FNIP2: variants seen among roughly 807,000 people sequenced by gnomAD.
FNIP2 encodes the protein folliculin-interacting protein 2.
In FNIP2, 32 loss-of-function variants were observed where a neutral mutation model predicts 108.7. The ratio of observed to expected loss-of-function variants is 0.29; its 90% CI spans 0.22 to 0.40. FNIP2 has a LOEUF of 0.40. Ranked by LOEUF, FNIP2 falls within the 10% of genes least tolerant of loss-of-function variation. The pLI is 1.00. For synonymous variants in FNIP2, 480 were observed against 496.7 expected, an observed-to-expected ratio of 0.97 and a Z score of 0.45; for missense variants, 1,202 against 1,381.6, an observed-to-expected ratio of 0.87 and a Z score of 2.06.
chr4:158,823,474 C>A (rs1439290442), intron 1 of FNIP2, among the ~76,000 whole-genome samples: 1 of 152,108 alleles, frequency 6.6e-6, no homozygotes, highest in Non-Finnish European at 1.5e-5. Flanking sequence ...CCGTGTTGGC[C>A]ATGGTTGGCC....
At chr4:158,829,605 C>T (rs1778349680) in intron 3 of FNIP2, among the ~76,000 whole-genome samples, 1 of 151,846 alleles carries the variant, frequency 6.6e-6, no homozygotes, top group South Asian at 2.1e-4. Flanking sequence ...ATAGAACATA[C>T]CAGTAAAAGG....
chr4:158,801,085 T>G (rs1776746178), intron 1 of FNIP2, among the ~76,000 whole-genome samples: 1 of 152,164 alleles, frequency 6.6e-6, no homozygotes, highest in Admixed American at 6.5e-5. Context: ...TGGTTTGTAT[T>G]ATATATTTAA....
intron 1 of FNIP2, among the ~76,000 whole-genome samples, chr4:158,817,504 C>T (rs1321776921): frequency 6.6e-6 from 1 of 152,054 alleles, no homozygotes; most frequent in Non-Finnish European, 1.5e-5. Flanking sequence ...ATTGGAAGCA[C>T]CAGACCTTTA....
At chr4:158,871,485 C>T in intron 14 of FNIP2, 1 of 985,264 alleles carries the variant, frequency 1.0e-6, no homozygotes, top group Non-Finnish European at 1.2e-6. Context: ...GACCAAACAT[C>T]AGGCACAGGC....
chr4:158,835,233 CTCA>C (rs1778734150), intron 6 of FNIP2, 169 bp from the exon 7 acceptor site: 2 of 361,892 alleles, frequency 5.5e-6, no homozygotes, highest in Non-Finnish European at 1.0e-5. Context: ...CTCTTTTCTT[CTCA>C]TCATCTTTTT....
At position 158,829,065 on chromosome 4, in the gene FNIP2, C is replaced by T. The variant is rs914284550; in HGVS notation, c.235-14C>T. 9 of 1,578,260 alleles carry T rather than the reference C, an allele frequency of 5.7e-6. No homozygotes were observed. Among genetic ancestry groups the T allele is most frequent in the Non-Finnish European group, 6.9e-6 (8 of 1,159,594 alleles). On this transcript the variant is annotated splice_polypyrimidine_tract_variant and intron_variant, in intron 2 of 16. Transcript: ENST00000264433. ...CTTAGTAATCTTTTACCTTGCCTGTCTCTCTTAACCTAGAAAACAGAGGAT... is the reference window on the plus strand; with the variant it reads ...CTTAGTAATCTTTTACCTTGCCTGTTTCTCTTAACCTAGAAAACAGAGGAT...
intron 1 of FNIP2, among the ~76,000 whole-genome samples, chr4:158,798,534 T>C (rs543327019): frequency 6.6e-6 from 1 of 152,232 alleles, no homozygotes; most frequent in Non-Finnish European, 1.5e-5. Context: ...TCTGAATTAT[T>C]GATTTTCTTC....
At chr4:158,847,796 C>G (rs768584358) in intron 7 of FNIP2, among the ~76,000 whole-genome samples, 3 of 152,164 alleles carry the variant, frequency 2.0e-5, no homozygotes, top group Non-Finnish European at 4.4e-5. Context: ...CCAGGCCTGG[C>G]AGCATTCACC....
chr4:158,769,356 C>A, intron 1 of FNIP2, 37 bp downstream of exon 1: 1 of 1,415,322 alleles, frequency 7.1e-7, no homozygotes, highest in Non-Finnish European at 9.4e-7. Context: ...GGCGCGGGAC[C>A]CGAGTTGGCT....
rs899697290 is a variant in FNIP2, at chr4:158,872,551, C to T, written c.2949+2082C>T. The T allele has an allele frequency of 5.1e-6, 5 of 985,166 alleles. No homozygotes were observed. In the African/African-American group the frequency reaches 8.7e-5, roughly 17 times the overall value. The allele number at this position is 985,166 out of a possible 1,614,324, so 61.0% of individuals were successfully genotyped here. A position where few individuals can be genotyped will look rare whatever the true frequency, so the allele number is the denominator to read the frequency against. ...AATTGTGGGTACATCCAAAGTGCAG[C>T]CATGCGTGGGTGTTAATAGGAAATT... On this transcript the variant is annotated intron_variant, in intron 14 of 16. Transcript: ENST00000264433.
At chr4:158,795,193 G>T (rs115014242) in intron 1 of FNIP2, among the ~76,000 whole-genome samples, 30 of 152,324 alleles carry the variant, frequency 2.0e-4, no homozygotes, top group African/African-American at 6.7e-4. Context: ...TTGAGCCGTG[G>T]TATAATGAGG....
intron 8 of FNIP2, among the ~76,000 whole-genome samples, chr4:158,858,017 T>TA (rs1780086120): frequency 6.6e-6 from 1 of 152,178 alleles, no homozygotes; most frequent in Non-Finnish European, 1.5e-5. Flanking sequence ...TGTTTAATAA[T>TA]AAAATCTAGG....
chr4:158,778,883 A>G (rs1161299206), intron 1 of FNIP2, among the ~76,000 whole-genome samples: 2 of 152,248 alleles, frequency 1.3e-5, no homozygotes, highest in East Asian at 3.8e-4. Flanking sequence ...TTCTTATGCC[A>G]TAAGCTCAAG....
At position 158,904,517 on chromosome 4, in the gene FNIP2, T is replaced by C. The variant is rs748141988; in HGVS notation, c.3318T>C (p.Ser1106=). Residue 1106 remains serine (S), a synonymous_variant, in exon 17 of 17, where the codon TCT becomes TCC. Coordinates refer to ENST00000264433, the MANE Select transcript of FNIP2 (RefSeq NM_020840.3). Reference sequence around the variant, plus strand: ...TGACTGCTATTGCCAGTACTCATTCTCCTTATGTGGCTCAAATACTCTTAT... The same window carrying C: ...TGACTGCTATTGCCAGTACTCATTCCCCTTATGTGGCTCAAATACTCTTAT... The part of the protein sequence containing the change: ...PLLTAIASTH[S]PYVAQILL 1.2e-6 allele frequency: 2 copies of C among 1,613,298 alleles called. No individual in the cohort carries two copies. The highest frequency in any genetic ancestry group is 2.2e-5 in the East Asian group (1 of 44,870).
rs1213425017 is a variant in FNIP2, at chr4:158,861,428, A to T, written c.1235A>T (p.Gln412Leu). 3.1e-6 allele frequency: 5 copies of T among 1,613,930 alleles called. No individual in the cohort carries two copies. Among genetic ancestry groups the T allele is most frequent in the Non-Finnish European group, 2.5e-6 (3 of 1,179,912 alleles). The change falls in exon 11 of 17, where the codon CAG becomes CTG. Residue 412 changes from glutamine to leucine, a missense_variant. Gln to Leu is a moderately radical substitution (Grantham distance 113). Around this residue, in one of 5 missense-constraint regions of FNIP2, gnomAD observed 878 missense variants for 990.3 expected, o/e 0.89. Transcript: ENST00000264433. ...ATGTCCGGCACTTTGGAAAAAAACCAGCTCTGCCAGCGCTTTCTCAAGGAG... is the reference window on the plus strand; with the variant it reads ...ATGTCCGGCACTTTGGAAAAAAACCTGCTCTGCCAGCGCTTTCTCAAGGAG... ...TMMSGTLEKN[Q>L]LCQRFLKEFT...
chr4:158,850,106 G>A (rs1057167153), intron 7 of FNIP2, among the ~76,000 whole-genome samples: 21 of 152,242 alleles, frequency 1.4e-4, no homozygotes, highest in Admixed American at 3.9e-4. Flanking sequence ...AGCTCAGGTC[G>A]GGAAGTCAGG....
At chr4:158,872,801 T>C in intron 14 of FNIP2, 1 of 950,644 alleles carries the variant, frequency 1.1e-6, no homozygotes, top group Non-Finnish European at 1.3e-6. Flanking sequence ...TGTTGAAAAA[T>C]ATTTTAGGAG....
At chr4:158,851,204 T>G in intron 7 of FNIP2, 117 bp from the exon 8 acceptor site, 1 of 1,229,912 alleles carries the variant, frequency 8.1e-7, no homozygotes. Flanking sequence ...TTAGTGATAT[T>G]AAATACATAA....
chr4:158,805,023 C>T (rs1184882126), intron 1 of FNIP2, among the ~76,000 whole-genome samples: 2 of 152,136 alleles, frequency 1.3e-5, no homozygotes, highest in Non-Finnish European at 2.9e-5. Flanking sequence ...ATAAGATTGT[C>T]TTAAGGTAAT....
Sources: allele counts gnomAD v4.1 joint callset (sites outside exome capture counted in the v4.1 genomes callset), GRCh38; gene constraint gnomAD v4.1.1; regional missense constraint gnomAD v4.1.1; transcripts MANE v1.5; gene names NCBI Gene and HGNC (gene_info 2026-07-23, HGNC 2026-07-21).